ATP6V1D: variants seen among roughly 807,000 people sequenced by gnomAD.
The protein encoded by ATP6V1D is V-type proton ATPase subunit D.
ATP6V1D carries 20 observed loss-of-function variants against 39.4 expected under a neutral mutation model. That is an observed-to-expected ratio of 0.51 (90% CI 0.36 to 0.74). The LOEUF (loss-of-function observed/expected upper bound fraction) is 0.74. Among genes scored for constraint, ATP6V1D ranks in the 30% least tolerant of loss-of-function variants. The pLI is 0.00. For synonymous variants in ATP6V1D, 100 were observed against 100.5 expected (o/e 0.99, Z 0.03); for missense variants, 228 against 291.6 (o/e 0.78, Z 1.59).
At chr14:67,338,798 CTG>C (rs1566594561) in intron 8 of ATP6V1D, 36 bp from the exon 9 acceptor site, 25 of 1,568,764 alleles carry the variant, frequency 1.6e-5, no homozygotes, top group East Asian at 2.2e-5. Flanking sequence ...TTTTTAAACA[CTG>C]TTTCAATATT....
At position 67,338,455 on chromosome 14, in the gene ATP6V1D, A is replaced by C; in HGVS notation, c.*166T>G. ...TTTCATCCATGATAAATGGTTGCTA[A>C]ATTATGATTCTGCAAAAGTAATCCC... On this transcript the variant is annotated 3_prime_UTR_variant, in exon 9 of 9. Transcript: ENST00000216442. 2 of 729,602 alleles carry C rather than the reference A, an allele frequency of 2.7e-6. No individual in the cohort carries two copies. The highest frequency in any genetic ancestry group is 2.9e-5 in the Admixed American group (1 of 33,908). The allele number at this position is 729,602 out of a possible 1,614,324, so 45.2% of individuals were successfully genotyped here. A position where few individuals can be genotyped will look rare whatever the true frequency, so the allele number is the denominator to read the frequency against.
At chr14:67,345,962 A>G in intron 5 of ATP6V1D, 91 bp from the exon 6 acceptor site, 1 of 798,586 alleles carries the variant, frequency 1.3e-6, no homozygotes. Flanking sequence ...AATAATAACA[A>G]ATATGGAAAG....
At chr14:67,343,937 C>G (rs1435117148) in intron 6 of ATP6V1D, among the ~76,000 whole-genome samples, 5 of 152,192 alleles carry the variant, frequency 3.3e-5, no homozygotes, top group Non-Finnish European at 5.9e-5. Flanking sequence ...ACCTACATGT[C>G]ACATTTGGTA....
At position 67,343,603 on chromosome 14, in the gene ATP6V1D, G is replaced by A. The variant is rs528121776; in HGVS notation, c.457-165C>T. On this transcript the variant is annotated intron_variant, in intron 6 of 8. Transcript: ENST00000216442. Reference sequence around the variant, plus strand: ...TTCTTAGGCTGGGCGCATGGCTCACGCCTATAACCCCAATACTTTGGGAGG... The same window carrying A: ...TTCTTAGGCTGGGCGCATGGCTCACACCTATAACCCCAATACTTTGGGAGG... 9.2e-5 allele frequency among the ~76,000 whole-genome samples: 14 copies of A among 152,312 alleles called. No homozygotes were observed. The South Asian group carries it at 1.7e-3, about 18-fold the overall frequency.
In ATP6V1D at chr14:67,359,689, T is replaced by G. The variant is rs1363034517; in HGVS notation, c.10A>C (p.Lys4Gln). The change falls in exon 1 of 9, where the codon AAA (lysine) becomes CAA (glutamine). Residue 4 changes from lysine to glutamine, a missense_variant. Coordinates refer to ENST00000216442, the MANE Select transcript of ATP6V1D (RefSeq NM_015994.4). Reference protein sequence around the residue: MSGKDRIEIFPSRM... With the variant: MSGQDRIEIFPSRM... ...GAGGGAAAGATTTCAATTCGGTCTT[T>G]GCCCGACATTCTGACGATAACTTTT... 1 of 1,614,016 alleles carries G rather than the reference T, an allele frequency of 6.2e-7. No homozygotes were observed. Among genetic ancestry groups the G allele is most frequent in the Non-Finnish European group, 8.5e-7 (1 of 1,180,000 alleles).
At chr14:67,357,251 A>G (rs1374938882) in intron 1 of ATP6V1D, among the ~76,000 whole-genome samples, 2 of 152,230 alleles carry the variant, frequency 1.3e-5, no homozygotes, top group Non-Finnish European at 2.9e-5. Context: ...ACAAGCTGCC[A>G]GTATATTTTC....
At chr14:67,346,718 G>A (rs2085621780) in intron 5 of ATP6V1D, among the ~76,000 whole-genome samples, 1 of 152,216 alleles carries the variant, frequency 6.6e-6, no homozygotes, top group Non-Finnish European at 1.5e-5. Context: ...AAAAGTGGAA[G>A]TGGGCTATAA....
chr14:67,349,763 C>A (rs2085644315), intron 3 of ATP6V1D, among the ~76,000 whole-genome samples: 1 of 152,198 alleles, frequency 6.6e-6, no homozygotes, highest in South Asian at 2.1e-4. Flanking sequence ...AAAACACTCA[C>A]ATACCACTTA....
chr14:67,341,271 C>T (rs1353072264), intron 7 of ATP6V1D, among the ~76,000 whole-genome samples: 4 of 151,776 alleles, frequency 2.6e-5, no homozygotes, highest in African/African-American at 4.8e-5. Flanking sequence ...ATGTGGGGAG[C>T]GCCTCTGCCC....
In ATP6V1D at chr14:67,351,310, C is replaced by CT. The variant is rs2085652378; in HGVS notation, c.160-621dup. ...AGTACAAAATGATAAAGCTACCTAC[C>CT]TCACATCATACTGCCCCCAAAATTC... On this transcript the variant is annotated intron_variant, in intron 2 of 8. Transcript: ENST00000216442. Among the ~76,000 whole-genome samples, 3 of 152,150 alleles carry CT rather than the reference C, an allele frequency of 2.0e-5. No homozygotes were observed. In the South Asian group the frequency reaches 6.2e-4, roughly 32 times the overall value.
intron 5 of ATP6V1D, among the ~76,000 whole-genome samples, chr14:67,347,188 C>T (rs989692652): frequency 2.6e-5 from 4 of 152,064 alleles, no homozygotes; most frequent in Admixed American, 1.3e-4. Context: ...ATTTGCCTGC[C>T]TCAGCCTCCC....
intron 1 of ATP6V1D, among the ~76,000 whole-genome samples, chr14:67,357,926 A>T (rs573222861): frequency 2.7e-4 from 41 of 152,356 alleles, no homozygotes; most frequent in African/African-American, 8.9e-4. Context: ...GCTCTCAAAG[A>T]TACTTGAAGG....
chr14:67,345,645 C>G, intron 6 of ATP6V1D, 123 bp downstream of exon 6: 1 of 613,704 alleles, frequency 1.6e-6, no homozygotes, highest in Non-Finnish European at 2.9e-6. Context: ...GTTTGCTTTA[C>G]ATAGGATCAT....
At chr14:67,352,821 A>C in intron 2 of ATP6V1D, 102 bp downstream of exon 2, 1 of 752,004 alleles carries the variant, frequency 1.3e-6, no homozygotes, top group Non-Finnish European at 2.1e-6. Flanking sequence ...TTACTTTTGA[A>C]AGAAAAAAAT....
At chr14:67,347,658 A>G (rs139850498) in intron 4 of ATP6V1D, among the ~76,000 whole-genome samples, 5,226 of 151,770 alleles carry the variant, frequency 0.034, 112 homozygotes, top group East Asian at 0.06. Context: ...GCACCACCAC[A>G]CCCGGCTAAT....
In ATP6V1D at chr14:67,347,432, T is replaced by G. The variant is rs1186124178; in HGVS notation, c.329A>C (p.Glu110Ala). ...ACTGTCAGTTCCTTCATGGTAATGT[T>G]CAAATACTGGCAAAGTAACACCTGT... The part of the protein sequence containing the change: ...NVAGVTLPVF[E>A]HYHEGTDSYE... Residue 110 changes from glutamate (E) to alanine (A), a missense_variant, in exon 5 of 9, where the codon GAA (glutamate) becomes GCA (alanine). Physicochemically the swap from Glu to Ala is moderately radical, Grantham distance 107. Transcript: ENST00000216442. 6.2e-7 allele frequency: 1 copy of G among 1,608,460 alleles called. No homozygotes were observed. The highest frequency in any genetic ancestry group is 1.7e-5 in the Admixed American group (1 of 59,886).
chr14:67,343,316 C>T (rs2319777), intron 7 of ATP6V1D, 56 bp downstream of exon 7: 244,546 of 1,357,556 alleles, frequency 0.18, 36,401 homozygotes, highest in African/African-American at 0.65. Context: ...AGCAGTTTCA[C>T]GACAAGTGGA....
chr14:67,346,911 A>G (rs1397977021), intron 5 of ATP6V1D, among the ~76,000 whole-genome samples: 1 of 152,254 alleles, frequency 6.6e-6, no homozygotes, highest in Non-Finnish European at 1.5e-5. Context: ...ATAGCAAGTG[A>G]TTCTACATTG....
intron 1 of ATP6V1D, among the ~76,000 whole-genome samples, chr14:67,358,787 T>C (rs1483168012): frequency 1.3e-5 from 2 of 152,124 alleles, no homozygotes; most frequent in East Asian, 3.9e-4. Flanking sequence ...ACGTCAAAAT[T>C]TTCCTTACAA....
Sources: gnomAD v4.1 joint callset for allele counts (sites outside exome capture counted in the v4.1 genomes callset) on GRCh38, gnomAD v4.1.1 for gene constraint, MANE v1.5 for transcripts, NCBI Gene and HGNC (gene_info 2026-07-23, HGNC 2026-07-21) for gene names.